Variants in ALPK1 observed in about 807,000 individuals in gnomAD.
ALPK1 encodes alpha-protein kinase 1.
ALPK1 carries 110 observed loss-of-function variants against 120.6 expected under a neutral mutation model. The observed-to-expected ratio is 0.91, with a 90% confidence interval of 0.78 to 1.07. The LOEUF (loss-of-function observed/expected upper bound fraction) is 1.07, where lower values mean the gene tolerates loss of function less well. ALPK1 is among the 50% of genes least tolerant of loss of function. The pLI, the probability that ALPK1 is intolerant of heterozygous loss-of-function variation, is 0.00. For missense variants in ALPK1, 1,498 were observed against 1,483.9 expected, an observed-to-expected ratio of 1.01 and a Z score of -0.16; for synonymous variants, 582 against 560.3, an observed-to-expected ratio of 1.04 and a Z score of -0.55.
Position 112,432,050 on chromosome 4 carries a change from A to C in ALPK1, c.2503A>C (p.Ser835Arg), listed in dbSNP as rs752844520. The change falls in exon 11 of 16, where the codon AGT becomes CGT. Residue 835 changes from serine (S) to arginine (R), a missense_variant. Physicochemically the swap from Ser to Arg is moderately radical, Grantham distance 110. Coordinates refer to ENST00000650871, the MANE Select transcript of ALPK1 (RefSeq NM_025144.4). Reference sequence around the variant, plus strand: ...TGTTCAAAATCCTGACTCCAGAAAAAGTGGTGGCCCAGTCGCAGAGCAGGG... The same window carrying C: ...TGTTCAAAATCCTGACTCCAGAAAACGTGGTGGCCCAGTCGCAGAGCAGGG... The part of the protein sequence containing the change: ...WPVQNPDSRK[S>R]GGPVAEQGID... The C allele has an allele frequency of 7.4e-6, 12 of 1,613,898 alleles. No individual in the cohort carries two copies. The Admixed American group carries it at 1.7e-4, about 22-fold the overall frequency.
At chr4:112,304,810 A>C (rs1727956391) in intron 1 of ALPK1, among the ~76,000 whole-genome samples, 1 of 152,102 alleles carries the variant, frequency 6.6e-6, no homozygotes. Flanking sequence ...TGTTTTAGAC[A>C]TGAAGTCCTT....
At chr4:112,308,494 C>A (rs1728226049) in intron 1 of ALPK1, among the ~76,000 whole-genome samples, 1 of 152,030 alleles carries the variant, frequency 6.6e-6, no homozygotes, top group Non-Finnish European at 1.5e-5. Context: ...TCATTTCATT[C>A]ATTTGATCTT....
At chr4:112,345,218 G>A (rs541625438) in intron 2 of ALPK1, among the ~76,000 whole-genome samples, 8 of 152,286 alleles carry the variant, frequency 5.3e-5, no homozygotes, top group African/African-American at 1.7e-4. Flanking sequence ...TAATGGCTTT[G>A]AAGTATATGG....
intron 1 of ALPK1, among the ~76,000 whole-genome samples, chr4:112,304,011 G>C (rs1455529506): frequency 1.3e-5 from 2 of 151,492 alleles, no homozygotes; most frequent in Non-Finnish European, 2.9e-5. Context: ...TTGGTTTTTT[G>C]TCCTTGCGAT....
chr4:112,383,390 T>G (rs1017905867), intron 4 of ALPK1: 2 of 152,138 alleles, frequency 1.3e-5, no homozygotes, highest in African/African-American at 4.8e-5. Context: ...AAGATTGTAT[T>G]TTTGAGTCAT....
At chr4:112,308,317 G>T (rs61151897) in intron 1 of ALPK1, among the ~76,000 whole-genome samples, 15 of 151,956 alleles carry the variant, frequency 9.9e-5, no homozygotes, top group African/African-American at 1.5e-4. Context: ...TGGGGAAGTT[G>T]TCCTGGATAA....
chr4:112,317,049 T>C (rs1305891143), intron 2 of ALPK1, among the ~76,000 whole-genome samples: 2 of 152,182 alleles, frequency 1.3e-5, no homozygotes, highest in Non-Finnish European at 2.9e-5. Flanking sequence ...AATTGTAGTT[T>C]CAAATGCTAA....
intron 4 of ALPK1, among the ~76,000 whole-genome samples, chr4:112,387,090 C>T (rs990628624): frequency 1.3e-5 from 2 of 152,148 alleles, no homozygotes; most frequent in African/African-American, 2.4e-5. Context: ...TTCTGTTTAG[C>T]TCAGCTTTGG....
At chr4:112,324,093 C>T (rs1404932907) in intron 2 of ALPK1, among the ~76,000 whole-genome samples, 2 of 152,112 alleles carry the variant, frequency 1.3e-5, no homozygotes, top group Non-Finnish European at 2.9e-5. Context: ...TTTGGGAGGC[C>T]AAGGCGGGCG....
At chr4:112,321,187 G>A (rs554509000) in intron 2 of ALPK1, among the ~76,000 whole-genome samples, 18 of 151,980 alleles carry the variant, frequency 1.2e-4, no homozygotes, top group African/African-American at 3.9e-4. Flanking sequence ...GTGAGCCACC[G>A]AGCCCAGCCA....
chr4:112,378,909 C>T (rs562464701), intron 3 of ALPK1, among the ~76,000 whole-genome samples: 2 of 152,216 alleles, frequency 1.3e-5, no homozygotes, highest in Non-Finnish European at 2.9e-5. Flanking sequence ...TACGTCCAGT[C>T]ATTTCACAGC....
chr4:112,440,610 A>G (rs925927094), intron 14 of ALPK1, among the ~76,000 whole-genome samples: 2 of 152,198 alleles, frequency 1.3e-5, no homozygotes, highest in Non-Finnish European at 2.9e-5. Flanking sequence ...ATATTATGAT[A>G]TTGATAATTA....
chr4:112,430,536 AGGCC>A lies in ALPK1; in HGVS notation c.990_993del (p.Glu330AspfsTer81). The A allele has an allele frequency of 6.2e-7, 1 of 1,614,198 alleles. No individual in the cohort carries two copies. The highest frequency in any genetic ancestry group is 1.7e-5 in the Admixed American group (1 of 60,032). On this transcript the variant is annotated frameshift_variant, in exon 11 of 16. Transcript: ENST00000650871. LOFTEE classifies it high-confidence loss of function. ...AACTTACATCTGTGTGAAGCCAAAG[AGGCC>A]TTTGAGATTGGCCTCCTCACCAAGA...
chr4:112,424,131 T>C, intron 6 of ALPK1, 128 bp downstream of exon 6: 1 of 776,108 alleles, frequency 1.3e-6, no homozygotes, highest in East Asian at 2.7e-5. Context: ...GGGCTGGCTC[T>C]GCCACTGATG....
intron 5 of ALPK1, chr4:112,414,290 G>A (rs1446893256): frequency 2.0e-6 from 1 of 494,866 alleles, no homozygotes; most frequent in South Asian, 1.5e-5. Context: ...AACACTCAAT[G>A]TAGTGGGATG....
Position 112,431,968 on chromosome 4 carries a change from C to T in ALPK1, c.2421C>T (p.His807=). ...CCTTAGACTTTCACAGGGTCCTGCACAATTCTCTGGGAAACATTTCCATGC... is the reference window on the plus strand; with the variant it reads ...CCTTAGACTTTCACAGGGTCCTGCATAATTCTCTGGGAAACATTTCCATGC... The part of the protein sequence containing the change: ...DAPLDFHRVL[H]NSLGNISMLP... The change falls in exon 11 of 16, where the codon CAC becomes CAT. Residue 807 remains histidine, a synonymous_variant. Coordinates refer to ENST00000650871, the MANE Select transcript of ALPK1 (RefSeq NM_025144.4). 1 of 1,614,166 alleles carries T rather than the reference C, an allele frequency of 6.2e-7. No homozygotes were observed. The highest frequency in any genetic ancestry group is 8.5e-7 in the Non-Finnish European group (1 of 1,180,046).
In ALPK1 at chr4:112,402,480, C is replaced by T. The variant is rs117097707; in HGVS notation, c.277-9347C>T. Among the ~76,000 whole-genome samples, 35 of 152,296 alleles carry T rather than the reference C, an allele frequency of 2.3e-4. No individual in the cohort carries two copies. The South Asian group carries it at 6.8e-3, about 30-fold the overall frequency. The stretch of plus-strand genomic sequence containing the variant: ...AGCATTTTTTCAATCATCTGTGTAT[C>T]GAAATCTCATTGTGGAGTTTAATTC... On this transcript the variant is annotated intron_variant, in intron 4 of 15. Coordinates refer to ENST00000650871, the MANE Select transcript of ALPK1 (RefSeq NM_025144.4).
intron 2 of ALPK1, among the ~76,000 whole-genome samples, chr4:112,316,655 G>A (rs1728645520): frequency 6.6e-6 from 1 of 152,068 alleles, no homozygotes; most frequent in African/African-American, 2.4e-5. Context: ...ATTTTTTCAT[G>A]GCAGCCATCT....
chr4:112,372,784 C>A (rs868808328), intron 2 of ALPK1, among the ~76,000 whole-genome samples: 4 of 152,230 alleles, frequency 2.6e-5, no homozygotes, highest in Middle Eastern at 6.8e-3. Flanking sequence ...TAATTCCCCC[C>A]ATCCTGCAGT....
Sources: allele counts gnomAD v4.1 joint callset (sites outside exome capture counted in the v4.1 genomes callset), GRCh38; gene constraint gnomAD v4.1.1; transcripts MANE v1.5; gene names NCBI Gene and HGNC (gene_info 2026-07-23, HGNC 2026-07-21).